Variants in ABCA5 observed in about 807,000 individuals in gnomAD.
The protein encoded by ABCA5 is ATP binding cassette subfamily A member 5, also known as cholesterol transporter ABCA5.
Under a neutral mutation model 206.0 loss-of-function variants are expected in ABCA5, and 163 were observed. The ratio of observed to expected loss-of-function variants is 0.79; its 90% confidence interval spans 0.70 to 0.90. The LOEUF is 0.90. Among genes scored for constraint, ABCA5 ranks in the 40% least tolerant of loss-of-function variants. The probability of loss-of-function intolerance (pLI) is 0.00; values close to 1 mark genes in which losing one functional copy is unlikely to be tolerated. For synonymous variants in ABCA5, 609 were observed against 613.8 expected (o/e 0.99, Z 0.11); for missense variants, 1,859 against 1,912.9 (o/e 0.97, Z 0.53).
chr17:69,299,380 A>G (rs1381784926), intron 9 of ABCA5, among the ~76,000 whole-genome samples: 1 of 151,994 alleles, frequency 6.6e-6, no homozygotes, highest in African/African-American at 2.4e-5. Context: ...TGATAACAGT[A>G]TAATTAATTC....
rs2075497556 is a variant in ABCA5 at position 69,289,231 on chromosome 17, A to G, written c.1848T>C (p.Ser616=). 1 of 1,609,240 alleles carries G rather than the reference A, an allele frequency of 6.2e-7. No homozygotes were observed. The highest frequency in any genetic ancestry group is 8.5e-7 in the Non-Finnish European group (1 of 1,178,034). ...ATGACAGCTTTCTTTTTTGACCACC[A>G]CTTAATTTTTTAGCTTGGTTATCTT... ...TIKDNQAKKL[S]GGQKRKLSLG... The change falls in exon 14 of 39, where the codon AGT becomes AGC. Residue 616 remains serine, a synonymous_variant. Transcript: ENST00000392676.
chr17:69,264,196 T>C (rs1387393904), intron 24 of ABCA5, among the ~76,000 whole-genome samples: 1 of 152,172 alleles, frequency 6.6e-6, no homozygotes, highest in Admixed American at 6.5e-5. Flanking sequence ...CATTTGCTTG[T>C]ATCATCTCTG....
intron 18 of ABCA5, among the ~76,000 whole-genome samples, chr17:69,280,685 C>T (rs2075382909): frequency 1.3e-5 from 2 of 150,034 alleles, no homozygotes; most frequent in Admixed American, 6.6e-5. Context: ...ACATATACAC[C>T]ATGGAATACT....
intron 20 of ABCA5, 116 bp downstream of exon 20, chr17:69,273,843 C>G (rs2075301109): frequency 3.1e-6 from 3 of 963,086 alleles, no homozygotes; most frequent in Admixed American, 5.7e-5. Context: ...ATTTAGATTT[C>G]ATGCAGACAG....
At position 69,285,285 on chromosome 17, in the gene ABCA5, G is replaced by C. The variant is rs145662063; in HGVS notation, c.2272+613C>G. 9.2e-4 allele frequency: 138 copies of C among 149,918 alleles called. 2 individuals carry two copies. The highest frequency in any genetic ancestry group is 3.3e-3 in the African/African-American group (136 of 40,914). The allele number at this position is 149,918 out of a possible 1,614,324, so 9.3% of individuals were successfully genotyped here. On this transcript the variant is annotated intron_variant, in intron 17 of 38. Transcript: ENST00000392676. ...TAGGCAGAGTGCATTAAGTTGGCAA[G>C]TGTACTTCAGTCCACTTAATTTGTG...
At chr17:69,274,219 C>CT (rs1161345998) in intron 19 of ABCA5, 91 bp from the exon 20 acceptor site, 4 of 1,274,892 alleles carry the variant, frequency 3.1e-6, no homozygotes, top group South Asian at 1.6e-5. Flanking sequence ...TTGATATGGA[C>CT]TTTTTTTGTT....
At chr17:69,322,741 G>A (rs1403173487) in intron 1 of ABCA5, among the ~76,000 whole-genome samples, 1 of 151,364 alleles carries the variant, frequency 6.6e-6, no homozygotes, top group Non-Finnish European at 1.5e-5. Flanking sequence ...AAATACCTGT[G>A]GAATAAACAA....
At chr17:69,249,239 T>C (rs2074985426) in intron 37 of ABCA5, 1 of 152,182 alleles carries the variant, frequency 6.6e-6, no homozygotes, top group Admixed American at 6.5e-5. Context: ...ATAAACCTTA[T>C]ACATAAATAT....
chr17:69,310,400 G>A (rs945392046), intron 3 of ABCA5, among the ~76,000 whole-genome samples: 3 of 152,040 alleles, frequency 2.0e-5, no homozygotes, highest in Non-Finnish European at 4.4e-5. Context: ...CTGAGCCTCC[G>A]GACTAGTTGG....
intron 35 of ABCA5, chr17:69,251,328 T>A (rs2075010971): frequency 6.4e-6 from 1 of 155,224 alleles, no homozygotes; most frequent in Non-Finnish European, 1.4e-5. Flanking sequence ...GCCTCCTCCC[T>A]TGAAGTGGGT....
chr17:69,302,400 C>G (rs1355400239), intron 8 of ABCA5, among the ~76,000 whole-genome samples: 2 of 152,040 alleles, frequency 1.3e-5, no homozygotes, highest in African/African-American at 2.4e-5. Context: ...GCAATATAAC[C>G]AGGCCATAGG....
chr17:69,250,802 A>G (rs899736021), intron 35 of ABCA5, 181 bp from the exon 36 acceptor site: 2 of 370,218 alleles, frequency 5.4e-6, no homozygotes, highest in African/African-American at 2.1e-5. Flanking sequence ...TTATCATCTT[A>G]TATTACCATG....
chr17:69,320,797 T>G (rs2075858411), intron 1 of ABCA5, among the ~76,000 whole-genome samples: 1 of 152,142 alleles, frequency 6.6e-6, no homozygotes, highest in Non-Finnish European at 1.5e-5. Context: ...AGGCCCAATT[T>G]GAAAAGGGAT....
At chr17:69,252,329 A>G (rs1032885161) in intron 34 of ABCA5, among the ~76,000 whole-genome samples, 9 of 152,088 alleles carry the variant, frequency 5.9e-5, no homozygotes, top group Non-Finnish European at 1.2e-4. Context: ...TTTATATTCT[A>G]ATTTATTTTC....
rs777609963 is a variant in ABCA5 at position 69,309,365 on chromosome 17, C to T, written c.366G>A (p.Lys122=). Residue 122 remains lysine, a synonymous_variant, in exon 4 of 39, where the codon AAG becomes AAA. Coordinates refer to ENST00000392676, the MANE Select transcript of ABCA5 (RefSeq NM_172232.4). The part of the protein sequence containing the change: ...EKEMLTSSLS[K]PSNFVGVVFK... ...AAACCACACCTACAAAGTTGCTCGG[C>T]TTAGAGAGACTGGATGTTAACATTT... The T allele has an allele frequency of 6.2e-7, 1 of 1,602,580 alleles. No homozygotes were observed. Among genetic ancestry groups the T allele is most frequent in the Non-Finnish European group, 8.5e-7 (1 of 1,176,534 alleles).
intron 11 of ABCA5, among the ~76,000 whole-genome samples, chr17:69,292,566 T>A (rs1183021177): frequency 6.6e-6 from 1 of 152,234 alleles, no homozygotes; most frequent in Non-Finnish European, 1.5e-5. Context: ...TACTGCATCC[T>A]TTCCAATCTG....
Position 69,312,982 on chromosome 17 carries a change from G to C in ABCA5, c.307+110C>G, listed in dbSNP as rs999168601. ...TATTTTTATAAAACTGACTTTGGTG[G>C]AGGAACACATCTCTAAGTGTTAAGA... On this transcript the variant is annotated intron_variant, in intron 3 of 38. Coordinates refer to ENST00000392676, the MANE Select transcript of ABCA5 (RefSeq NM_172232.4). 17 of 563,314 alleles carry C rather than the reference G, an allele frequency of 3.0e-5. 1 individual carries two copies. In the Middle Eastern group the frequency reaches 2.1e-3, roughly 70 times the overall value. The allele number at this position is 563,314 out of a possible 1,614,324, so 34.9% of individuals were successfully genotyped here.
intron 37 of ABCA5, 39 bp from the exon 38 acceptor site, chr17:69,248,356 C>A (rs1355796055): frequency 1.5e-6 from 2 of 1,316,590 alleles, no homozygotes; most frequent in Non-Finnish European, 2.1e-6. Flanking sequence ...TTATCAATAT[C>A]TGAAAAAAAT....
chr17:69,297,224 A>T lies in ABCA5; in HGVS notation c.1403T>A (p.Val468Asp). The T allele has an allele frequency of 6.2e-7, 1 of 1,611,764 alleles. No homozygotes were observed. The highest frequency in any genetic ancestry group is 8.5e-7 in the Non-Finnish European group (1 of 1,179,450). Residue 468 changes from valine (V) to aspartate (D), a missense_variant, in exon 10 of 39, where the codon GTT becomes GAT. By Grantham distance (152) the Val-to-Asp change is radical. Transcript: ENST00000392676. The part of the protein sequence containing the change: ...NISFSEIIEP[V>D]SSEFVGKEAI... The stretch of plus-strand genomic sequence containing the variant: ...TTCTTTTCCTACAAATTCTGAAGAA[A>T]CTGGCTCAATAATTTCACTAAAACT...
Sources: allele counts gnomAD v4.1 joint callset (sites outside exome capture counted in the v4.1 genomes callset), GRCh38; gene constraint gnomAD v4.1.1; transcripts MANE v1.5; gene names NCBI Gene and HGNC (gene_info 2026-07-23, HGNC 2026-07-21).